The following JAZF1 variants were observed in gnomAD, a reference collection of about 807,000 sequenced individuals.
The protein encoded by JAZF1 is JAZF zinc finger 1.
Under a neutral mutation model 26.4 loss-of-function variants are expected in JAZF1, and 8 were observed. The observed-to-expected ratio is 0.30, with a 90% CI of 0.18 to 0.55. The LOEUF (loss-of-function observed/expected upper bound fraction) is 0.55, where lower values mean the gene tolerates loss of function less well. Ranked by LOEUF, JAZF1 falls within the 20% of genes least tolerant of loss-of-function variation. JAZF1 has a pLI of 0.94. For synonymous variants in JAZF1, 126 were observed against 122.3 expected (o/e 1.03, Z -0.20); for missense variants, 199 against 322.0 (o/e 0.62, Z 2.92).
chr7:28,173,510 C>T (rs1185444005), intron 1 of JAZF1, among the ~76,000 whole-genome samples: 1 of 152,022 alleles, frequency 6.6e-6, no homozygotes, highest in Non-Finnish European at 1.5e-5. Flanking sequence ...TCCTACATGC[C>T]TTTGTGCCTA....
At chr7:27,892,368 ATTTC>A (rs1199879562) in intron 3 of JAZF1, among the ~76,000 whole-genome samples, 8 of 152,222 alleles carry the variant, frequency 5.3e-5, no homozygotes, top group African/African-American at 1.7e-4. Flanking sequence ...TGTCAGAAAG[ATTTC>A]TTTATGTCTG....
chr7:28,079,893 T>C (rs1466094380), intron 1 of JAZF1, among the ~76,000 whole-genome samples: 1 of 152,214 alleles, frequency 6.6e-6, no homozygotes, highest in Non-Finnish European at 1.5e-5. Context: ...ACTGCTGGTC[T>C]GGTTCCAGAC....
At chr7:28,048,029 T>A (rs1783526760) in intron 1 of JAZF1, among the ~76,000 whole-genome samples, 1 of 152,166 alleles carries the variant, frequency 6.6e-6, no homozygotes, top group Non-Finnish European at 1.5e-5. Context: ...GTCCCTAGTA[T>A]CGTTGAGGAG....
chr7:27,843,558 A>C (rs1160844820), intron 3 of JAZF1: 2 of 152,254 alleles, frequency 1.3e-5, no homozygotes, highest in Non-Finnish European at 2.9e-5. Context: ...TGTGAAACCA[A>C]ACAAAATAAT....
intron 1 of JAZF1, among the ~76,000 whole-genome samples, chr7:28,018,400 T>C (rs530148765): frequency 6.6e-6 from 1 of 152,240 alleles, no homozygotes; most frequent in South Asian, 2.1e-4. Flanking sequence ...AGGACAGTCT[T>C]AGCAGGAGAG....
intron 1 of JAZF1, among the ~76,000 whole-genome samples, chr7:28,130,616 C>A (rs1782778199): frequency 6.6e-6 from 1 of 152,156 alleles, no homozygotes; most frequent in Non-Finnish European, 1.5e-5. Flanking sequence ...GTTTCCTCAT[C>A]TGGAAAACAT....
chr7:27,839,403 T>C (rs969774238), intron 4 of JAZF1, among the ~76,000 whole-genome samples: 1 of 152,200 alleles, frequency 6.6e-6, no homozygotes, highest in African/African-American at 2.4e-5. Context: ...AAAAAGTCTC[T>C]TTCTGCAATG....
At chr7:27,887,460 G>T (rs1459296607) in intron 3 of JAZF1, among the ~76,000 whole-genome samples, 3 of 152,082 alleles carry the variant, frequency 2.0e-5, no homozygotes, top group Non-Finnish European at 2.9e-5. Flanking sequence ...CTGTTACCCA[G>T]CCTGGAGTGC....
Position 27,853,041 on chromosome 7 carries a change from G to A in JAZF1, c.386-12174C>T, listed in dbSNP as rs954602745. ...TTGCCATGAACCACAGGAGTGCCCT[G>A]TCCTGTCCCTCCCTGCGGTGACGCC... On this transcript the variant is annotated intron_variant, in intron 3 of 4. Coordinates refer to ENST00000283928, the MANE Select transcript of JAZF1 (RefSeq NM_175061.4). 7.8e-4 allele frequency among the ~76,000 whole-genome samples: 118 copies of A among 152,152 alleles called. 7 individuals carry two copies. Among genetic ancestry groups the A allele is most frequent in the Non-Finnish European group, 4.4e-5 (3 of 68,028 alleles).
intron 1 of JAZF1, among the ~76,000 whole-genome samples, chr7:28,109,750 T>G (rs775318330): frequency 1.3e-5 from 2 of 152,212 alleles, no homozygotes; most frequent in African/African-American, 2.4e-5. Context: ...TCACCCACTC[T>G]GCCAACCCCT....
intron 2 of JAZF1, among the ~76,000 whole-genome samples, chr7:27,980,688 T>C (rs540555491): frequency 4.6e-5 from 7 of 152,152 alleles, no homozygotes; most frequent in Admixed American, 2.6e-4. Context: ...AATTAGAGTT[T>C]ATTTCCCCTG....
intron 2 of JAZF1, among the ~76,000 whole-genome samples, chr7:27,971,371 TG>T (rs138222444): frequency 0.014 from 2,083 of 152,280 alleles, 47 homozygotes; most frequent in African/African-American, 0.046. Context: ...TTAGCTGCAC[TG>T]CTTTGAGCCA....
At chr7:28,139,857 T>C (rs908891371) in intron 1 of JAZF1, among the ~76,000 whole-genome samples, 2 of 152,146 alleles carry the variant, frequency 1.3e-5, no homozygotes, top group Non-Finnish European at 2.9e-5. Flanking sequence ...TTAAAGAACT[T>C]AGAGCAGGGT....
rs1426642888 is a variant in JAZF1 at position 27,927,220 on chromosome 7, ACT to A, written c.189-31806_189-31805del. 2.6e-5 allele frequency among the ~76,000 whole-genome samples: 4 copies of A among 152,032 alleles called. No homozygotes were observed. The East Asian group carries it at 7.8e-4, about 29-fold the overall frequency. The stretch of plus-strand genomic sequence containing the variant: ...GATTCCCAGAGGCAGTGGCTCCAGC[ACT>A]CTCGTGCTCAGCTGGGAGTCCCCTG... On this transcript the variant is annotated intron_variant, in intron 2 of 4. Coordinates refer to ENST00000283928, the MANE Select transcript of JAZF1 (RefSeq NM_175061.4).
intron 3 of JAZF1, among the ~76,000 whole-genome samples, chr7:27,881,919 A>G (rs771154347): frequency 3.3e-5 from 5 of 152,164 alleles, no homozygotes; most frequent in Non-Finnish European, 5.9e-5. Flanking sequence ...GCACCACTTC[A>G]TTTGCCAGAA....
At chr7:28,042,225 G>A (rs1415943782) in intron 1 of JAZF1, among the ~76,000 whole-genome samples, 1 of 152,226 alleles carries the variant, frequency 6.6e-6, no homozygotes, top group Non-Finnish European at 1.5e-5. Context: ...AGTGTGATGT[G>A]TGGAACAAGT....
At chr7:28,149,178 TA>T (rs1783070914) in intron 1 of JAZF1, among the ~76,000 whole-genome samples, 1 of 152,164 alleles carries the variant, frequency 6.6e-6, no homozygotes, top group Non-Finnish European at 1.5e-5. Context: ...GCAGAGCCTG[TA>T]AACAGCCTCC....
At chr7:28,030,280 C>A (rs1328038525) in intron 1 of JAZF1, among the ~76,000 whole-genome samples, 1 of 152,174 alleles carries the variant, frequency 6.6e-6, no homozygotes, top group African/African-American at 2.4e-5. Context: ...GGAATACAAA[C>A]AAATCAATGC....
intron 1 of JAZF1, among the ~76,000 whole-genome samples, chr7:28,106,704 T>C (rs370331114): frequency 1.3e-4 from 20 of 152,166 alleles, no homozygotes; most frequent in East Asian, 9.6e-4. Flanking sequence ...AACAAACCAG[T>C]GAGGCAGATC....
Sources: allele counts gnomAD v4.1 joint callset (sites outside exome capture counted in the v4.1 genomes callset), GRCh38; gene constraint gnomAD v4.1.1; transcripts MANE v1.5; gene names NCBI Gene and HGNC (gene_info 2026-07-23, HGNC 2026-07-21).